Variants in CNTN5 observed in about 807,000 individuals in gnomAD.
CNTN5 encodes the protein contactin-5.
Under a neutral mutation model 129.1 loss-of-function variants are expected in CNTN5, and 77 were observed. That is an observed-to-expected ratio of 0.60 (90% CI 0.50 to 0.72). The LOEUF (loss-of-function observed/expected upper bound fraction) is 0.72. Among genes scored for constraint, CNTN5 ranks in the 30% least tolerant of loss-of-function variants. The pLI, the probability that CNTN5 is intolerant of heterozygous loss-of-function variation, is 0.00. For synonymous variants in CNTN5, 509 were observed against 465.6 expected (o/e 1.09, Z -1.20); for missense variants, 1,478 against 1,328.8 (o/e 1.11, Z -1.75).
chr11:100,277,242 G>A (rs1950533932), intron 18 of CNTN5, among the ~76,000 whole-genome samples: 1 of 152,140 alleles, frequency 6.6e-6, no homozygotes, highest in Non-Finnish European at 1.5e-5. Flanking sequence ...CATTTAAGTT[G>A]CTTCCAGATA....
At chr11:99,224,049 C>A (rs1173496932) in intron 1 of CNTN5, among the ~76,000 whole-genome samples, 2 of 152,032 alleles carry the variant, frequency 1.3e-5, no homozygotes, top group Non-Finnish European at 2.9e-5. Flanking sequence ...AAAAAGCTAA[C>A]TACAGAGAAC....
chr11:99,059,777 C>T (rs978040979), intron 1 of CNTN5, among the ~76,000 whole-genome samples: 1 of 151,954 alleles, frequency 6.6e-6, no homozygotes, highest in East Asian at 1.9e-4. Flanking sequence ...GTTATTTTCT[C>T]TTCTTATTAA....
chr11:100,358,210 C>T lies in CNTN5; in HGVS notation c.*1990C>T, dbSNP rs750360121. The T allele has an allele frequency of 6.6e-6, 1 of 151,824 alleles. No individual in the cohort carries two copies. Among genetic ancestry groups the T allele is most frequent in the Non-Finnish European group, 1.5e-5 (1 of 67,848 alleles). 9.4% of individuals were successfully genotyped at this position (151,824 alleles called of 1,614,324 possible). ...TTTCTTCATTTTCCATGGTGGTGTA[C>T]ACCAGATTTAGTGAAGGACTTTAAG... On this transcript the variant is annotated 3_prime_UTR_variant, in exon 25 of 25. Coordinates refer to ENST00000524871, the MANE Select transcript of CNTN5 (RefSeq NM_014361.4).
intron 9 of CNTN5, among the ~76,000 whole-genome samples, chr11:100,043,249 C>A (rs1477573549): frequency 6.6e-6 from 1 of 152,136 alleles, no homozygotes; most frequent in East Asian, 1.9e-4. Flanking sequence ...TTGTTATGTA[C>A]TATATAAATG....
At chr11:99,221,225 A>T (rs886175070) in intron 1 of CNTN5, among the ~76,000 whole-genome samples, 1 of 151,934 alleles carries the variant, frequency 6.6e-6, no homozygotes, top group Admixed American at 6.6e-5. Flanking sequence ...ATATTTTTTA[A>T]TAATTTTAAT....
intron 3 of CNTN5, among the ~76,000 whole-genome samples, chr11:99,669,026 G>A (rs1324331349): frequency 6.6e-6 from 1 of 152,044 alleles, no homozygotes; most frequent in African/African-American, 2.4e-5. Context: ...TATTTCTTGT[G>A]AAAATTGATG....
intron 3 of CNTN5, among the ~76,000 whole-genome samples, chr11:99,677,818 C>G (rs537700128): frequency 2.6e-5 from 4 of 152,090 alleles, no homozygotes; most frequent in Admixed American, 6.6e-5. Flanking sequence ...TGTCTGTTGA[C>G]TTTTTTCAAA....
intron 1 of CNTN5, among the ~76,000 whole-genome samples, chr11:99,037,841 T>G (rs924816216): frequency 6.6e-6 from 1 of 151,940 alleles, no homozygotes; most frequent in African/African-American, 2.4e-5. Flanking sequence ...GGATTACAGG[T>G]GTGAGCCACT....
chr11:99,746,075 G>A (rs1944046938), intron 3 of CNTN5, among the ~76,000 whole-genome samples: 1 of 152,124 alleles, frequency 6.6e-6, no homozygotes, highest in Non-Finnish European at 1.5e-5. Flanking sequence ...CCACATCAAG[G>A]TTGCCTGCAA....
chr11:99,646,360 A>G (rs1951960832), intron 3 of CNTN5, among the ~76,000 whole-genome samples: 1 of 152,224 alleles, frequency 6.6e-6, no homozygotes, highest in East Asian at 1.9e-4. Context: ...AATATGAGAA[A>G]TTTATTCTAT....
intron 13 of CNTN5, among the ~76,000 whole-genome samples, chr11:100,104,469 A>G (rs1418553066): frequency 1.3e-5 from 2 of 152,292 alleles, no homozygotes; most frequent in Non-Finnish European, 2.9e-5. Flanking sequence ...AAAAAATCAC[A>G]TATAATAACT....
chr11:99,970,625 C>T (rs1951223770), intron 8 of CNTN5, among the ~76,000 whole-genome samples: 1 of 152,138 alleles, frequency 6.6e-6, no homozygotes, highest in Admixed American at 6.6e-5. Context: ...GCTATTAACA[C>T]AGTACTTATC....
chr11:99,205,520 ATGTT>A (rs2135646716), intron 1 of CNTN5, among the ~76,000 whole-genome samples: 1 of 152,318 alleles, frequency 6.6e-6, no homozygotes, highest in East Asian at 1.9e-4. Context: ...TCCAAAGAAA[ATGTT>A]TGTTGGACAA....
chr11:100,002,166 C>T (rs2137476087), intron 9 of CNTN5, 30 bp downstream of exon 9: 8 of 1,336,088 alleles, frequency 6.0e-6, no homozygotes, highest in Non-Finnish European at 8.0e-6. Flanking sequence ...TAATTAAACA[C>T]AATTTTTTAT....
intron 3 of CNTN5, among the ~76,000 whole-genome samples, chr11:99,717,141 G>T (rs1162146591): frequency 6.6e-6 from 1 of 151,776 alleles, no homozygotes; most frequent in African/African-American, 2.4e-5. Flanking sequence ...CAGATGTTTT[G>T]CCAATTATTT....
chr11:99,994,045 A>G, intron 8 of CNTN5, among the ~76,000 whole-genome samples: 1 of 152,090 alleles, frequency 6.6e-6, no homozygotes. Flanking sequence ...GAGGCTTAAG[A>G]ATGCCTTTGG....
chr11:99,706,613 T>C (rs1461522793), intron 3 of CNTN5, among the ~76,000 whole-genome samples: 1 of 151,492 alleles, frequency 6.6e-6, no homozygotes, highest in Non-Finnish European at 1.5e-5. Context: ...TCTAAATTTG[T>C]ATGTGGTGTC....
chr11:99,469,004 T>C (rs1945063190), intron 2 of CNTN5, among the ~76,000 whole-genome samples: 1 of 152,022 alleles, frequency 6.6e-6, no homozygotes, highest in African/African-American at 2.4e-5. Flanking sequence ...CTCCTTGGCC[T>C]TCACAGCATT....
At chr11:99,650,471 T>A (rs1456894843) in intron 3 of CNTN5, among the ~76,000 whole-genome samples, 4 of 151,948 alleles carry the variant, frequency 2.6e-5, no homozygotes, top group African/African-American at 7.2e-5. Flanking sequence ...TTTTGTGGGA[T>A]AGGCTACTCT....
Sources: allele counts gnomAD v4.1 joint callset (sites outside exome capture counted in the v4.1 genomes callset), GRCh38; gene constraint gnomAD v4.1.1; transcripts MANE v1.5; gene names NCBI Gene and HGNC (gene_info 2026-07-23, HGNC 2026-07-21).